TAOK3: variants seen among roughly 807,000 people sequenced by gnomAD.
The protein encoded by TAOK3 is TAO kinase 3, also known as serine/threonine-protein kinase TAO3.
A neutral mutation model predicts 120.4 loss-of-function variants in TAOK3; 40 were observed. That is an observed-to-expected ratio of 0.33 (90% confidence interval 0.26 to 0.43). The LOEUF (loss-of-function observed/expected upper bound fraction) is 0.43. Ranked by LOEUF, TAOK3 falls within the 20% of genes least tolerant of loss-of-function variation. TAOK3 has a pLI of 1.00. For missense variants in TAOK3, 821 were observed against 1,112.1 expected (o/e 0.74, Z 3.72); for synonymous variants, 355 against 387.5 (o/e 0.92, Z 0.99).
At chr12:118,211,381 G>C (rs920623977) in intron 11 of TAOK3, among the ~76,000 whole-genome samples, 2 of 151,966 alleles carry the variant, frequency 1.3e-5, no homozygotes, top group Non-Finnish European at 2.9e-5. Flanking sequence ...TTCATCTTTA[G>C]AAGTTTTATT....
At chr12:118,345,942 G>A (rs914266010) in intron 1 of TAOK3, among the ~76,000 whole-genome samples, 2 of 152,038 alleles carry the variant, frequency 1.3e-5, no homozygotes, top group Non-Finnish European at 2.9e-5. Flanking sequence ...ATATTGATAC[G>A]GTAATGATAT....
chr12:118,262,146 C>A (rs756271079), intron 2 of TAOK3, among the ~76,000 whole-genome samples: 1 of 152,052 alleles, frequency 6.6e-6, no homozygotes, highest in Non-Finnish European at 1.5e-5. Flanking sequence ...CAGGTGTGAG[C>A]CACTGTGCCT....
In TAOK3 at chr12:118,365,793, AAAC is replaced by A. The variant is rs1196859844; in HGVS notation, c.-194+6852_-194+6854del. On this transcript the variant is annotated intron_variant, in intron 1 of 20. Transcript: ENST00000392533. ...CACGTGTTAACAGGAAACTGCTATA[AAAC>A]AACAGAAGAGAATTTTGCCAAGAGA... Among the ~76,000 whole-genome samples, 3 of 152,344 alleles carry A rather than the reference AAAC, an allele frequency of 2.0e-5. No individual in the cohort carries two copies. The East Asian group carries it at 5.8e-4, about 29-fold the overall frequency.
intron 2 of TAOK3, among the ~76,000 whole-genome samples, chr12:118,257,338 T>G (rs1391940048): frequency 6.6e-6 from 1 of 152,332 alleles, no homozygotes; most frequent in East Asian, 1.9e-4. Context: ...CATAAAACAT[T>G]CTGAAATCAA....
At chr12:118,337,471 A>C (rs941628945) in intron 1 of TAOK3, among the ~76,000 whole-genome samples, 8 of 152,244 alleles carry the variant, frequency 5.3e-5, no homozygotes, top group Non-Finnish European at 1.0e-4. Flanking sequence ...GAGAATGTTC[A>C]CAGCAGCTTT....
At chr12:118,332,415 T>C (rs1172505389) in intron 1 of TAOK3, among the ~76,000 whole-genome samples, 2 of 152,154 alleles carry the variant, frequency 1.3e-5, no homozygotes, top group Non-Finnish European at 2.9e-5. Flanking sequence ...TTCTCTCTTT[T>C]CTCAGTCTTT....
At chr12:118,293,365 G>C (rs1296131903) in intron 1 of TAOK3, among the ~76,000 whole-genome samples, 2 of 152,176 alleles carry the variant, frequency 1.3e-5, no homozygotes, top group African/African-American at 4.8e-5. Flanking sequence ...TGCTTAAGGT[G>C]TTTATTACAT....
intron 9 of TAOK3, among the ~76,000 whole-genome samples, chr12:118,228,078 T>C (rs2039592586): frequency 6.6e-6 from 1 of 152,076 alleles, no homozygotes. Flanking sequence ...CTATTTGCCT[T>C]CCTTTCTCCA....
Position 118,160,590 on chromosome 12 carries a change from G to T in TAOK3, c.2140-232C>A, listed in dbSNP as rs1214073327. ...AAGTAATTTTGAATTTACAAATGGGGTCAAAGAAAATATGGACTGTTACAA... is the reference window on the plus strand; with the variant it reads ...AAGTAATTTTGAATTTACAAATGGGTTCAAAGAAAATATGGACTGTTACAA... On this transcript the variant is annotated intron_variant, in intron 18 of 20. Coordinates refer to ENST00000392533, the MANE Select transcript of TAOK3 (RefSeq NM_016281.4). This position sits in a 1 kb window ranked among gnomAD's most constrained non-coding sequence, Gnocchi z 4.2. Among the ~76,000 whole-genome samples the T allele has an allele frequency of 6.6e-6, 1 of 152,120 alleles. No homozygotes were observed. Among genetic ancestry groups the T allele is most frequent in the African/African-American group, 2.4e-5 (1 of 41,436 alleles).
intron 15 of TAOK3, among the ~76,000 whole-genome samples, chr12:118,177,690 G>A (rs957988957): frequency 4.6e-5 from 7 of 151,984 alleles, no homozygotes; most frequent in African/African-American, 1.2e-4. Context: ...GGGCGTGGTC[G>A]TGCATGCCTG....
chr12:118,199,369 A>G, intron 12 of TAOK3, 112 bp from the exon 13 acceptor site: 2 of 807,638 alleles, frequency 2.5e-6, no homozygotes, highest in Non-Finnish European at 4.1e-6. Context: ...CTTTTCTGCC[A>G]ATCTGCAAAG....
intron 9 of TAOK3, among the ~76,000 whole-genome samples, chr12:118,220,034 T>C (rs1160206251): frequency 6.6e-6 from 1 of 150,868 alleles, no homozygotes; most frequent in Non-Finnish European, 1.5e-5. Context: ...CCCTCCCTAG[T>C]AGCCGCAGCT....
chr12:118,205,986 C>A (rs1025559650), intron 11 of TAOK3, among the ~76,000 whole-genome samples: 1 of 151,934 alleles, frequency 6.6e-6, no homozygotes, highest in Non-Finnish European at 1.5e-5. Context: ...GAACCCAAGC[C>A]TTCTTTGTGG....
At chr12:118,301,947 T>C (rs1191831295) in intron 1 of TAOK3, among the ~76,000 whole-genome samples, 1 of 152,154 alleles carries the variant, frequency 6.6e-6, no homozygotes, top group Non-Finnish European at 1.5e-5. Flanking sequence ...TTTTTTCTCC[T>C]CAGGCTATTC....
intron 16 of TAOK3, among the ~76,000 whole-genome samples, chr12:118,173,716 A>G (rs1035265436): frequency 6.6e-6 from 1 of 152,270 alleles, no homozygotes; most frequent in East Asian, 1.9e-4. Flanking sequence ...GAAACAAAGC[A>G]GTGAATCAGG....
At chr12:118,343,331 G>A (rs2044707744) in intron 1 of TAOK3, among the ~76,000 whole-genome samples, 1 of 151,656 alleles carries the variant, frequency 6.6e-6, no homozygotes, top group South Asian at 2.1e-4. Flanking sequence ...GGAGGGTGGG[G>A]TGGGAGAATC....
chr12:118,225,362 A>T (rs2139706664), intron 9 of TAOK3, among the ~76,000 whole-genome samples: 1 of 151,408 alleles, frequency 6.6e-6, no homozygotes, highest in African/African-American at 2.4e-5. Flanking sequence ...CTTAGGGAAT[A>T]TTTGAAACAG....
At chr12:118,309,004 A>C (rs1216407870) in intron 1 of TAOK3, among the ~76,000 whole-genome samples, 4 of 150,952 alleles carry the variant, frequency 2.6e-5, no homozygotes, top group Admixed American at 6.6e-5. Context: ...TTAGTTCTTA[A>C]AACATTTTCT....
At chr12:118,214,684 C>T (rs576333298) in intron 9 of TAOK3, among the ~76,000 whole-genome samples, 1 of 151,598 alleles carries the variant, frequency 6.6e-6, no homozygotes, top group East Asian at 1.9e-4. Flanking sequence ...TCTCCTGCCT[C>T]AGCCTCCTGA....
Sources: allele counts gnomAD v4.1 joint callset (sites outside exome capture counted in the v4.1 genomes callset), GRCh38; gene constraint gnomAD v4.1.1; non-coding constraint Gnocchi (gnomAD v3.1); transcripts MANE v1.5; gene names NCBI Gene and HGNC (gene_info 2026-07-23, HGNC 2026-07-21).